HOOK1: variants seen among roughly 807,000 people sequenced by gnomAD.
The protein encoded by HOOK1 is protein Hook homolog 1.
Under a neutral mutation model 112.8 loss-of-function variants are expected in HOOK1, and 60 were observed. The ratio of observed to expected loss-of-function variants is 0.53; its 90% CI spans 0.43 to 0.66. The LOEUF (loss-of-function observed/expected upper bound fraction) is 0.66, where lower values mean the gene tolerates loss of function less well. HOOK1 is among the 30% of genes least tolerant of loss of function. The pLI, the probability that HOOK1 is intolerant of heterozygous loss-of-function variation, is 0.00. For missense variants in HOOK1, 770 were observed against 856.0 expected (o/e 0.90, Z 1.25); for synonymous variants, 294 against 283.8 (o/e 1.04, Z -0.36).
At chr1:59,860,111 A>G (rs2098412775) in intron 14 of HOOK1, 77 bp from the exon 15 acceptor site, 1 of 1,146,848 alleles carries the variant, frequency 8.7e-7, no homozygotes, top group Admixed American at 3.0e-5. Context: ...AGTGGACAGG[A>G]ATTTCCTTTT....
chr1:59,842,454 A>C (rs1476538031), intron 8 of HOOK1, among the ~76,000 whole-genome samples: 1 of 152,092 alleles, frequency 6.6e-6, no homozygotes, highest in Non-Finnish European at 1.5e-5. Context: ...ATTTCATTAT[A>C]TTGTCTGCCC....
At chr1:59,867,604 AATTGGTTTTCTAACAG>A (rs1643989215) in intron 19 of HOOK1, among the ~76,000 whole-genome samples, 3 of 152,122 alleles carry the variant, frequency 2.0e-5, no homozygotes, top group Admixed American at 2.0e-4. Flanking sequence ...GACATTTCTG[AATTGGTTTTCTAACAG>A]ATTGCTATCT....
intron 9 of HOOK1, among the ~76,000 whole-genome samples, chr1:59,844,108 A>AT (rs2098402415): frequency 1.3e-5 from 2 of 151,928 alleles, no homozygotes; most frequent in Admixed American, 1.3e-4. Flanking sequence ...TACTATACAT[A>AT]TTTTTTTGTT....
intron 2 of HOOK1, among the ~76,000 whole-genome samples, chr1:59,824,847 G>GA (rs1381593876): frequency 1.3e-5 from 2 of 152,166 alleles, no homozygotes; most frequent in East Asian, 1.9e-4. Flanking sequence ...AAACACATGG[G>GA]AAAAAACTAT....
intron 13 of HOOK1, 43 bp from the exon 14 acceptor site, chr1:59,858,942 G>A: frequency 8.2e-7 from 1 of 1,215,532 alleles, no homozygotes; most frequent in Non-Finnish European, 1.2e-6. Flanking sequence ...TTTTAAAATA[G>A]TTGAAATACT....
At chr1:59,842,852 G>T (rs2098401706) in intron 8 of HOOK1, among the ~76,000 whole-genome samples, 1 of 151,934 alleles carries the variant, frequency 6.6e-6, no homozygotes, top group African/African-American at 2.4e-5. Context: ...TACTGATAAT[G>T]ATGTGGTTCT....
At chr1:59,824,571 A>G (rs2098388476) in intron 2 of HOOK1, among the ~76,000 whole-genome samples, 1 of 152,184 alleles carries the variant, frequency 6.6e-6, no homozygotes, top group Non-Finnish European at 1.5e-5. Context: ...TGTCACATCA[A>G]AATTGTTACT....
At chr1:59,824,166 A>G (rs2098388092) in intron 2 of HOOK1, among the ~76,000 whole-genome samples, 1 of 152,044 alleles carries the variant, frequency 6.6e-6, no homozygotes, top group East Asian at 1.9e-4. Flanking sequence ...GGTTAATTTT[A>G]CCATATGTCT....
chr1:59,855,928 C>T (rs2098410239), intron 12 of HOOK1, among the ~76,000 whole-genome samples: 1 of 135,702 alleles, frequency 7.4e-6, no homozygotes, highest in Non-Finnish European at 1.5e-5. Context: ...CACACTCCAC[C>T]ATACCCAGCT....
intron 12 of HOOK1, among the ~76,000 whole-genome samples, chr1:59,853,966 T>G (rs2098408632): frequency 7.6e-6 from 1 of 132,332 alleles, no homozygotes; most frequent in Non-Finnish European, 1.6e-5. Context: ...TAAATCAAAT[T>G]GTAGACTAAA....
intron 2 of HOOK1, among the ~76,000 whole-genome samples, chr1:59,822,642 A>G (rs2098386486): frequency 1.3e-5 from 2 of 152,192 alleles, no homozygotes; most frequent in East Asian, 3.8e-4. Flanking sequence ...AACAAGGCCA[A>G]TTCTGCACTC....
chr1:59,863,349 G>T (rs2102068995), intron 16 of HOOK1, among the ~76,000 whole-genome samples: 1 of 152,246 alleles, frequency 6.6e-6, no homozygotes, highest in South Asian at 2.1e-4. Flanking sequence ...GCCAAAAATG[G>T]ATTATACCCG....
rs1167413179 is a variant in HOOK1 at position 59,855,984 on chromosome 1, ATTTTTT to A, written c.1243-2423_1243-2418del. ...TAAATTATTATATATATATATATATATTTTTTTTTTTTTTTTTTTTTTTTTTGTAGA... is the reference window on the plus strand; with the variant it reads ...TAAATTATTATATATATATATATATATTTTTTTTTTTTTTTTTTTTGTAGA... On this transcript the variant is annotated intron_variant, in intron 12 of 21. Coordinates refer to ENST00000371208, the MANE Select transcript of HOOK1 (RefSeq NM_015888.6). 1.6e-3 allele frequency among the ~76,000 whole-genome samples: 94 copies of A among 60,250 alleles called. 1 individual carries two copies. Among genetic ancestry groups the A allele is most frequent in the South Asian group, 2.5e-3 (5 of 1,968 alleles). The allele number at this position is 60,250 out of a possible 152,430, so 39.5% of individuals were successfully genotyped here.
intron 12 of HOOK1, among the ~76,000 whole-genome samples, 194 bp from the exon 13 acceptor site, chr1:59,858,234 T>C (rs111388760): frequency 6.6e-6 from 1 of 152,186 alleles, no homozygotes; most frequent in Non-Finnish European, 1.5e-5. Context: ...AGCTATCTGA[T>C]GGGAAAGTCA....
intron 5 of HOOK1, among the ~76,000 whole-genome samples, chr1:59,834,790 A>C (rs1033703100): frequency 6.6e-6 from 1 of 151,994 alleles, no homozygotes; most frequent in Non-Finnish European, 1.5e-5. Flanking sequence ...AGTCTTTTTT[A>C]AAGAGCCAAC....
chr1:59,859,168 C>T (rs2098412256), intron 14 of HOOK1, 123 bp downstream of exon 14: 1 of 342,882 alleles, frequency 2.9e-6, no homozygotes, highest in African/African-American at 2.2e-5. Context: ...ACTGTTTGAT[C>T]TACTTAAACT....
At chr1:59,858,230 C>A (rs1352979327) in intron 12 of HOOK1, among the ~76,000 whole-genome samples, 198 bp from the exon 13 acceptor site, 3 of 152,124 alleles carry the variant, frequency 2.0e-5, no homozygotes, top group Non-Finnish European at 4.4e-5. Context: ...GATAAGCTAT[C>A]TGATGGGAAA....
intron 15 of HOOK1, among the ~76,000 whole-genome samples, chr1:59,860,588 C>T (rs576902086): frequency 7.2e-5 from 11 of 151,878 alleles, no homozygotes; most frequent in Admixed American, 6.6e-4. Context: ...GCTACTTATT[C>T]TTTTTATTCT....
intron 2 of HOOK1, among the ~76,000 whole-genome samples, chr1:59,822,284 T>G (rs998157738): frequency 6.6e-6 from 1 of 152,248 alleles, no homozygotes; most frequent in Admixed American, 6.5e-5. Flanking sequence ...TTTCTTTGGT[T>G]GTACTGTTGT....
Sources: allele counts gnomAD v4.1 joint callset (sites outside exome capture counted in the v4.1 genomes callset), GRCh38; gene constraint gnomAD v4.1.1; transcripts MANE v1.5; gene names NCBI Gene and HGNC (gene_info 2026-07-23, HGNC 2026-07-21).